Variants in MAN1A2 observed in about 807,000 individuals in gnomAD.
The protein encoded by MAN1A2 is mannosyl-oligosaccharide 1,2-alpha-mannosidase IB.
In MAN1A2, 26 loss-of-function variants were observed where a neutral mutation model predicts 75.7. The ratio of observed to expected loss-of-function variants is 0.34; its 90% CI spans 0.25 to 0.48. The LOEUF (loss-of-function observed/expected upper bound fraction) is 0.48, where lower values mean the gene tolerates loss of function less well. Ranked by LOEUF, MAN1A2 falls within the 20% of genes least tolerant of loss-of-function variation. MAN1A2 has a pLI of 0.99. For synonymous variants in MAN1A2, 247 were observed against 264.6 expected, an observed-to-expected ratio of 0.93 and a Z score of 0.65; for missense variants, 562 against 775.5, an observed-to-expected ratio of 0.72 and a Z score of 3.27.
intron 1 of MAN1A2, among the ~76,000 whole-genome samples, chr1:117,373,641 T>C (rs1430459789): frequency 1.3e-5 from 2 of 152,126 alleles, no homozygotes; most frequent in Non-Finnish European, 2.9e-5. Context: ...GGACTACAGG[T>C]GTGAACAACC....
intron 3 of MAN1A2, among the ~76,000 whole-genome samples, 183 bp from the exon 4 acceptor site, chr1:117,414,530 A>G (rs1347891073): frequency 2.0e-5 from 3 of 151,682 alleles, no homozygotes; most frequent in Middle Eastern, 3.5e-3. Flanking sequence ...TATAATTTCT[A>G]ATGTAAAAGG....
intron 5 of MAN1A2, among the ~76,000 whole-genome samples, chr1:117,429,721 A>G (rs1270750364): frequency 3.6e-5 from 2 of 55,034 alleles, no homozygotes; most frequent in South Asian, 6.6e-4. Context: ...GACCCCCCCC[A>G]CCTCCCTCCC....
At chr1:117,435,683 A>G (rs150760563) in intron 5 of MAN1A2, among the ~76,000 whole-genome samples, 1 of 152,310 alleles carries the variant, frequency 6.6e-6, no homozygotes, top group East Asian at 1.9e-4. Flanking sequence ...TTGGTTCAAG[A>G]TAGAGGAACT....
At chr1:117,372,194 CAAGTT>C (rs200126365) in intron 1 of MAN1A2, among the ~76,000 whole-genome samples, 2,166 of 152,148 alleles carry the variant, frequency 0.014, 31 homozygotes, top group Non-Finnish European at 0.018. Flanking sequence ...AGGAGGATAA[CAAGTT>C]AAGAGGGGCT....
chr1:117,373,836 C>A (rs72689577), intron 1 of MAN1A2, among the ~76,000 whole-genome samples: 11,605 of 152,112 alleles, frequency 0.076, 497 homozygotes, highest in Middle Eastern at 0.15. Flanking sequence ...AATTGGAGCT[C>A]ATGCCTAAGA....
In MAN1A2 at chr1:117,527,882, TTA is replaced by T. The variant is rs1652068842; in HGVS notation, c.*4927_*4928del. On this transcript the variant is annotated 3_prime_UTR_variant, in exon 13 of 13. Transcript: ENST00000356554. ...AGAATTCTAAGCAACAGAAAATGGG[TTA>T]TGTGACTCATCTGCTATTTGGCAGC... The T allele has an allele frequency of 6.6e-6, 1 of 151,964 alleles. No homozygotes were observed. The highest frequency in any genetic ancestry group is 2.4e-5 in the African/African-American group (1 of 41,396). 9.4% of individuals were successfully genotyped at this position (151,964 alleles called of 1,614,324 possible). A position where few individuals can be genotyped will look rare whatever the true frequency, so the allele number is the denominator to read the frequency against.
intron 1 of MAN1A2, among the ~76,000 whole-genome samples, chr1:117,375,459 G>C (rs1198077711): frequency 6.6e-6 from 1 of 151,994 alleles, no homozygotes; most frequent in Non-Finnish European, 1.5e-5. Context: ...GTAATCTGGA[G>C]ATTACAAAGA....
chr1:117,441,250 T>G lies in MAN1A2; in HGVS notation c.856-981T>G, dbSNP rs889271579. ...ACATATTTCTCTCTAATATTTTCTATCCCCAGTAATGTTGGTATGCTTTGT... is the reference window on the plus strand; with the variant it reads ...ACATATTTCTCTCTAATATTTTCTAGCCCCAGTAATGTTGGTATGCTTTGT... On this transcript the variant is annotated intron_variant, in intron 5 of 12. Transcript: ENST00000356554. Among the ~76,000 whole-genome samples the G allele has an allele frequency of 2.0e-5, 3 of 152,120 alleles. No homozygotes were observed. In the South Asian group the frequency reaches 6.2e-4, roughly 32 times the overall value.
At chr1:117,483,710 A>G (rs1249667920) in intron 8 of MAN1A2, among the ~76,000 whole-genome samples, 5 of 151,838 alleles carry the variant, frequency 3.3e-5, no homozygotes, top group East Asian at 1.9e-4. Context: ...TCCTTTCCTA[A>G]TTGAATCCCC....
rs139643527 is a variant in MAN1A2 at position 117,524,928 on chromosome 1, C to T, written c.*1971C>T. On this transcript the variant is annotated 3_prime_UTR_variant, in exon 13 of 13. Transcript: ENST00000356554. Reference sequence around the variant, plus strand: ...GGTTCTAAAAAATGTTAGCCTTCCTCGTAAAAGTAGCACAAGCCCACTTAT... The same window carrying T: ...GGTTCTAAAAAATGTTAGCCTTCCTTGTAAAAGTAGCACAAGCCCACTTAT... 2.1e-3 allele frequency: 687 copies of T among 319,968 alleles called. 5 individuals are homozygous for T. The highest frequency in any genetic ancestry group is 0.014 in the African/African-American group (655 of 46,362). The allele number at this position is 319,968 out of a possible 1,614,324, so 19.8% of individuals were successfully genotyped here.
chr1:117,451,160 C>G (rs568339824), intron 6 of MAN1A2, among the ~76,000 whole-genome samples: 1 of 152,234 alleles, frequency 6.6e-6, no homozygotes, highest in African/African-American at 2.4e-5. Flanking sequence ...CCTCCTCTTG[C>G]ATCAGTGTGA....
At chr1:117,425,669 C>G (rs1259411063) in intron 5 of MAN1A2, among the ~76,000 whole-genome samples, 1 of 152,134 alleles carries the variant, frequency 6.6e-6, no homozygotes, top group Admixed American at 6.5e-5. Context: ...TAACAACTTG[C>G]AGCAAACTAG....
chr1:117,500,337 T>G (rs1327096813), intron 11 of MAN1A2, among the ~76,000 whole-genome samples: 5 of 152,022 alleles, frequency 3.3e-5, no homozygotes, highest in African/African-American at 1.2e-4. Context: ...AGAAAGTTCT[T>G]TGCTTATCCA....
intron 8 of MAN1A2, among the ~76,000 whole-genome samples, chr1:117,483,130 TGG>T (rs1650551720): frequency 6.6e-6 from 1 of 152,180 alleles, no homozygotes; most frequent in African/African-American, 2.4e-5. Flanking sequence ...CATGCTGTTT[TGG>T]TTACTGTAGC....
chr1:117,448,152 A>G (rs1294918606), intron 6 of MAN1A2, among the ~76,000 whole-genome samples: 1 of 152,074 alleles, frequency 6.6e-6, no homozygotes, highest in African/African-American at 2.4e-5. Flanking sequence ...TGTTAGCTCT[A>G]TTCCTGAATA....
intron 5 of MAN1A2, among the ~76,000 whole-genome samples, chr1:117,421,224 G>A (rs1648177231): frequency 6.6e-6 from 1 of 152,004 alleles, no homozygotes. Flanking sequence ...GGGAGAAAGA[G>A]AAACTAAAGG....
At chr1:117,374,142 C>T (rs1271386773) in intron 1 of MAN1A2, among the ~76,000 whole-genome samples, 1 of 151,998 alleles carries the variant, frequency 6.6e-6, no homozygotes, top group African/African-American at 2.4e-5. Flanking sequence ...ACTGCACATA[C>T]TCGCACATGC....
chr1:117,414,963 A>G (rs1270331378), intron 4 of MAN1A2, 132 bp downstream of exon 4: 2 of 560,564 alleles, frequency 3.6e-6, no homozygotes, highest in Non-Finnish European at 6.5e-6. Context: ...TGACGGTACT[A>G]GAAGATGGGG....
At chr1:117,409,229 G>C (rs556691193) in intron 3 of MAN1A2, among the ~76,000 whole-genome samples, 7 of 152,158 alleles carry the variant, frequency 4.6e-5, no homozygotes, top group Non-Finnish European at 8.8e-5. Flanking sequence ...TTATTGACCA[G>C]AGATCCTCTT....
Sources: allele counts gnomAD v4.1 joint callset (sites outside exome capture counted in the v4.1 genomes callset), GRCh38; gene constraint gnomAD v4.1.1; transcripts MANE v1.5; gene names NCBI Gene and HGNC (gene_info 2026-07-23, HGNC 2026-07-21).